The following EPHA5 variants were observed in gnomAD, a reference collection of about 807,000 sequenced individuals.
The protein encoded by EPHA5 is ephrin type-A receptor 5.
A neutral mutation model predicts 105.0 loss-of-function variants in EPHA5; 60 were observed. The observed-to-expected ratio is 0.57, with a 90% confidence interval of 0.46 to 0.71. EPHA5 has a LOEUF of 0.71. Ranked by LOEUF, EPHA5 falls within the 30% of genes least tolerant of loss-of-function variation. The pLI is 0.00. For missense variants in EPHA5, 1,218 were observed against 1,274.7 expected (o/e 0.96, Z 0.68); for synonymous variants, 513 against 449.1 (o/e 1.14, Z -1.80).
At chr4:65,594,104 A>G (rs28492752) in intron 3 of EPHA5, among the ~76,000 whole-genome samples, 2 of 152,192 alleles carry the variant, frequency 1.3e-5, no homozygotes, top group Non-Finnish European at 2.9e-5. Flanking sequence ...AGCAAACAAT[A>G]AAACAAAAGG....
At chr4:65,587,706 C>T (rs1171118606) in intron 3 of EPHA5, among the ~76,000 whole-genome samples, 1 of 151,998 alleles carries the variant, frequency 6.6e-6, no homozygotes, top group African/African-American at 2.4e-5. Context: ...GAATCCCAGA[C>T]ATTCTTACGC....
intron 3 of EPHA5, chr4:65,573,670 G>A (rs1740474682): frequency 1.9e-6 from 3 of 1,599,542 alleles, no homozygotes; most frequent in South Asian, 2.2e-5. Flanking sequence ...ATGTACAAGA[G>A]GAAGTACTCA....
chr4:65,477,970 T>C (rs4485849), intron 5 of EPHA5, among the ~76,000 whole-genome samples: 144,839 of 152,238 alleles, frequency 0.95, 69,045 homozygotes, highest in East Asian at 1. Context: ...TTGAACAAAA[T>C]ATGAATTTTG....
In EPHA5 at chr4:65,648,109, A is replaced by G. The variant is rs183055185; in HGVS notation, c.182-4682T>C. Reference sequence around the variant, plus strand: ...AGAAAAAGCAGATTGCTAACTCATTATATTTGTTGAGATTCAAGGAGAGCA... The same window carrying G: ...AGAAAAAGCAGATTGCTAACTCATTGTATTTGTTGAGATTCAAGGAGAGCA... On this transcript the variant is annotated intron_variant, in intron 1 of 16. Transcript: ENST00000613740. Among the ~76,000 whole-genome samples the G allele has an allele frequency of 1.5e-4, 23 of 152,320 alleles. No homozygotes were observed. In the East Asian group the frequency reaches 3.5e-3, roughly 23 times the overall value.
At chr4:65,432,530 G>T (rs779337194) in intron 5 of EPHA5, among the ~76,000 whole-genome samples, 1 of 151,826 alleles carries the variant, frequency 6.6e-6, no homozygotes, top group Non-Finnish European at 1.5e-5. Flanking sequence ...GTTCCTTTTC[G>T]TTGTTCTGTT....
At chr4:65,511,713 C>T (rs529849492) in intron 3 of EPHA5, among the ~76,000 whole-genome samples, 16 of 152,196 alleles carry the variant, frequency 1.1e-4, no homozygotes, top group African/African-American at 2.6e-4. Flanking sequence ...GTAATTTAAA[C>T]GACATTTTTT....
At chr4:65,653,929 C>T (rs1046104356) in intron 1 of EPHA5, among the ~76,000 whole-genome samples, 3 of 151,936 alleles carry the variant, frequency 2.0e-5, no homozygotes, top group Non-Finnish European at 4.4e-5. Context: ...GATAATCGTG[C>T]TGCTGTTATC....
intron 5 of EPHA5, among the ~76,000 whole-genome samples, chr4:65,472,561 G>A (rs1729393438): frequency 6.6e-6 from 1 of 152,166 alleles, no homozygotes; most frequent in South Asian, 2.1e-4. Flanking sequence ...TGACTTCTGT[G>A]CACCTGCAGG....
intron 8 of EPHA5, among the ~76,000 whole-genome samples, chr4:65,387,799 A>T (rs1560481791): frequency 1.3e-5 from 2 of 151,502 alleles, no homozygotes; most frequent in East Asian, 3.9e-4. Flanking sequence ...ATCTAAATTC[A>T]TTTTTTTTGT....
intron 3 of EPHA5, among the ~76,000 whole-genome samples, chr4:65,539,409 G>A (rs1196995293): frequency 6.6e-6 from 1 of 151,626 alleles, no homozygotes; most frequent in Non-Finnish European, 1.5e-5. Flanking sequence ...GCATAAACAA[G>A]AAAGAATGTC....
rs1446225001 is a variant in EPHA5 at position 65,321,365 on chromosome 4, A to G, written c.*2749T>C. ...CTTTGCCTTGGATTATGGCCTCACT[A>G]CATTTTACTAGAGTTGGCTCCTCTC... On this transcript the variant is annotated 3_prime_UTR_variant, in exon 17 of 17. Transcript: ENST00000613740. 2 of 230,382 alleles carry G rather than the reference A, an allele frequency of 8.7e-6. No homozygotes were observed. Among genetic ancestry groups the G allele is most frequent in the Non-Finnish European group, 1.7e-5 (2 of 116,232 alleles). 14.3% of individuals were successfully genotyped at this position (230,382 alleles called of 1,614,324 possible).
chr4:65,417,088 G>C (rs1294679181), intron 6 of EPHA5, among the ~76,000 whole-genome samples: 3 of 152,214 alleles, frequency 2.0e-5, no homozygotes, highest in Non-Finnish European at 4.4e-5. Flanking sequence ...GAAGGAGCCA[G>C]CTGGCAAACA....
intron 3 of EPHA5, among the ~76,000 whole-genome samples, chr4:65,517,295 G>A (rs959145931): frequency 2.6e-5 from 4 of 151,478 alleles, no homozygotes; most frequent in Non-Finnish European, 5.9e-5. Context: ...GCCTTCTTAT[G>A]CTTGCTTCCT....
At position 65,420,528 on chromosome 4, in the gene EPHA5, A is replaced by T. The variant is rs770244841; in HGVS notation, c.1440T>A (p.Ile480=). 2 of 1,613,062 alleles carry T rather than the reference A, an allele frequency of 1.2e-6. No homozygotes were observed. The highest frequency in any genetic ancestry group is 2.2e-5 in the South Asian group (2 of 91,026). The change falls in exon 6 of 17, where the codon ATT becomes ATA. Residue 480 remains isoleucine (I), a synonymous_variant. Transcript: ENST00000613740. The part of the protein sequence containing the change: ...SPVTNVKKGK[I]AKNSISLSWQ... ...AAGACAAAGAGATGCTGTTTTTTGC[A>T]ATTTTCCCTTTTTTCACATTGGTGA...
intron 8 of EPHA5, among the ~76,000 whole-genome samples, chr4:65,386,978 G>C (rs1379626326): frequency 2.6e-5 from 4 of 151,878 alleles, no homozygotes; most frequent in Admixed American, 2.6e-4. Context: ...GAAACTTATA[G>C]GAAAGTGAAG....
intron 8 of EPHA5, among the ~76,000 whole-genome samples, chr4:65,379,919 T>C (rs1213061569): frequency 2.0e-5 from 3 of 151,812 alleles, no homozygotes; most frequent in Non-Finnish European, 2.9e-5. Context: ...TATGAACATC[T>C]GAAGTTTAAC....
At chr4:65,620,969 C>T (rs1453163553) in intron 2 of EPHA5, among the ~76,000 whole-genome samples, 2 of 152,080 alleles carry the variant, frequency 1.3e-5, no homozygotes, top group East Asian at 3.8e-4. Context: ...GAGTTGCATG[C>T]TTCAATACTT....
chr4:65,564,946 C>A (rs1169448347), intron 3 of EPHA5, among the ~76,000 whole-genome samples: 1 of 151,654 alleles, frequency 6.6e-6, no homozygotes, highest in Non-Finnish European at 1.5e-5. Context: ...TACACAATTG[C>A]ATCCAGAAAG....
intron 3 of EPHA5, among the ~76,000 whole-genome samples, chr4:65,564,592 A>G (rs1378398682): frequency 6.6e-6 from 1 of 151,742 alleles, no homozygotes; most frequent in Non-Finnish European, 1.5e-5. Flanking sequence ...TCCTATTACT[A>G]TAAACTTTAA....
Sources: gnomAD v4.1 joint callset for allele counts (sites outside exome capture counted in the v4.1 genomes callset) on GRCh38, gnomAD v4.1.1 for gene constraint, MANE v1.5 for transcripts, NCBI Gene and HGNC (gene_info 2026-07-23, HGNC 2026-07-21) for gene names.